Variants in NEFL observed in about 807,000 individuals in gnomAD.
The protein encoded by NEFL is neurofilament light polypeptide.
NEFL carries 36 observed loss-of-function variants against 51.6 expected under a neutral mutation model. The ratio of observed to expected loss-of-function variants is 0.70; its 90% CI spans 0.53 to 0.92. NEFL has a LOEUF of 0.92. NEFL is among the 40% of genes least tolerant of loss of function. The probability of loss-of-function intolerance (pLI) is 0.00; values close to 1 mark genes in which losing one functional copy is unlikely to be tolerated. For missense variants in NEFL, 671 were observed against 722.0 expected (o/e 0.93, Z 0.81); for synonymous variants, 332 against 302.5 (o/e 1.10, Z -1.01).
chr8:24,953,827 A>G, intron 2 of NEFL, 32 bp from the exon 3 acceptor site: 1 of 1,570,802 alleles, frequency 6.4e-7, no homozygotes, highest in East Asian at 2.3e-5. Context: ...GAGGTTAAAA[A>G]ACACCTGTGT....
Position 24,953,552 on chromosome 8 carries a change from G to A in NEFL, c.1413C>T (p.Pro471=), listed in dbSNP as rs753400700. 2 of 1,613,596 alleles carry A rather than the reference G, an allele frequency of 1.2e-6. No homozygotes were observed. Among genetic ancestry groups the A allele is most frequent in the African/African-American group, 1.3e-5 (1 of 74,904 alleles). The part of the protein sequence containing the change: ...AKAEEAKDEP[P]SEGEAEEEEK... ...CCTCCTCCTCGGCTTCTCCTTCAGA[G>A]GGGGGCTCATCCTTGGCTTCCTCAG... The change falls in exon 3 of 4, where the codon CCC becomes CCT. Residue 471 remains proline, a synonymous_variant. Coordinates refer to ENST00000610854, the MANE Select transcript of NEFL (RefSeq NM_006158.5).
intron 2 of NEFL, 96 bp from the exon 3 acceptor site, chr8:24,953,891 G>A: frequency 2.1e-6 from 3 of 1,453,138 alleles, no homozygotes; most frequent in Non-Finnish European, 1.8e-6. Flanking sequence ...AGCAGGGCTG[G>A]GATTTATCAA....
rs775722769 is a variant in NEFL at position 24,953,730 on chromosome 8, T to C, written c.1235A>G (p.Tyr412Cys). 3 of 1,613,942 alleles carry C rather than the reference T, an allele frequency of 1.9e-6. No homozygotes were observed. Among genetic ancestry groups the C allele is most frequent in the Non-Finnish European group, 2.5e-6 (3 of 1,179,876 alleles). Residue 412 changes from tyrosine to cysteine, a missense_variant, in exon 3 of 4, where the codon TAC becomes TGC. Tyr to Cys is a radical substitution (Grantham distance 194). Coordinates refer to ENST00000610854, the MANE Select transcript of NEFL (RefSeq NM_006158.5). Reference protein sequence around the residue: ...FTSVGSITSGYSQSSQVFGRS... With the variant: ...FTSVGSITSGCSQSSQVFGRS... The stretch of plus-strand genomic sequence containing the variant: ...GCCAAAGACCTGGGAGCTCTGGGAG[T>C]AGCCACTGGTTATGCTTCCCACGCT...
chr8:24,952,892 C>T lies in NEFL; in HGVS notation c.1550G>A (p.Gly517Glu). 1 of 1,608,612 alleles carries T rather than the reference C, an allele frequency of 6.2e-7. No individual in the cohort carries two copies. Among genetic ancestry groups the T allele is most frequent in the Non-Finnish European group, 8.5e-7 (1 of 1,175,154 alleles). ...CTCTTCAGCTTCTTTGGTTTCCTCT[C>T]CTTCTTCACCTTCACCTCCTTCTTC... ...EEEEGGEGEE[G>E]EETKEAEEEE... Residue 517 changes from glycine (G) to glutamate (E), a missense_variant, in exon 4 of 4, where the codon GGA (glycine) becomes GAA (glutamate). Transcript: ENST00000610854.
chr8:24,954,859 G>C (rs1210237384), intron 1 of NEFL, among the ~76,000 whole-genome samples: 1 of 149,954 alleles, frequency 6.7e-6, no homozygotes, highest in East Asian at 2.0e-4. Flanking sequence ...CTACTCCCCA[G>C]AAGATGGAGA....
Position 24,952,337 on chromosome 8 carries a change from T to G in NEFL, c.*473A>C. 6.4e-6 allele frequency: 1 copy of G among 155,514 alleles called. No homozygotes were observed. Among genetic ancestry groups the G allele is most frequent in the Admixed American group, 6.3e-5 (1 of 15,782 alleles). 9.6% of individuals were successfully genotyped at this position (155,514 alleles called of 1,614,324 possible). On this transcript the variant is annotated 3_prime_UTR_variant, in exon 4 of 4. Transcript: ENST00000610854. Reference sequence around the variant, plus strand: ...TATATACTTTATATTGGTGCCATCTTTAAGGTATTTTAATTAAGTAACAAC... The same window carrying G: ...TATATACTTTATATTGGTGCCATCTGTAAGGTATTTTAATTAAGTAACAAC...
rs1803033340 is a variant in NEFL, at chr8:24,955,493, G to C, written c.1023C>G (p.Asn341Lys). 1 of 1,609,792 alleles carries C rather than the reference G, an allele frequency of 6.2e-7. No individual in the cohort carries two copies. The highest frequency in any genetic ancestry group is 8.5e-7 in the Non-Finnish European group (1 of 1,179,010). Residue 341 changes from asparagine to lysine, a missense_variant, in exon 1 of 4, where the codon AAC becomes AAG. Asn to Lys is a moderately conservative substitution (Grantham distance 94, BLOSUM62 0). Coordinates refer to ENST00000610854, the MANE Select transcript of NEFL (RefSeq NM_006158.5). The surrounding 1 kb of genome is among the most constrained non-coding windows in gnomAD (Gnocchi z 4.0). ...KQLQELEDKQ[N>K]ADISAMQDTI... is the part of the protein sequence containing the mutation. ...GCACCTGCATAGCGCTGATGTCGGC[G>C]TTCTGCTTGTCCTCCAGCTCCTGCA...
In NEFL at chr8:24,952,825, A is replaced by C; in HGVS notation, c.1617T>G (p.Ala539=). ...AAATGGGGGTTCAATCTTTCTTCTT[A>C]GCTGCTTGTTCCTCCCCAGCACCTT... ...KVEGAGEEQA[A]KKKD is the part of the protein sequence containing the mutation. Residue 539 remains alanine (A), a synonymous_variant, in exon 4 of 4, where the codon GCT becomes GCG. Coordinates refer to ENST00000610854, the MANE Select transcript of NEFL (RefSeq NM_006158.5). 1 of 1,613,878 alleles carries C rather than the reference A, an allele frequency of 6.2e-7. No homozygotes were observed. The highest frequency in any genetic ancestry group is 8.5e-7 in the Non-Finnish European group (1 of 1,179,812).
chr8:24,956,580 G>A lies in NEFL; in HGVS notation c.-65C>T, dbSNP rs1296564122. On this transcript the variant is annotated 5_prime_UTR_variant, in exon 1 of 4. Coordinates refer to ENST00000610854, the MANE Select transcript of NEFL (RefSeq NM_006158.5). This position sits in a 1 kb window ranked among gnomAD's most constrained non-coding sequence, Gnocchi z 5.9. ...GAGCCCGGAGAGAGAGGACAGGGGA[G>A]AGAGGGAAGGGGGAGGATGGATGGC... 1 of 1,446,980 alleles carries A rather than the reference G, an allele frequency of 6.9e-7. No homozygotes were observed. The highest frequency in any genetic ancestry group is 9.5e-7 in the Non-Finnish European group (1 of 1,053,482). The allele number at this position is 1,446,980 out of a possible 1,614,324, so 89.6% of individuals were successfully genotyped here.
chr8:24,955,418 A>T lies in NEFL; in HGVS notation c.1044+54T>A. 7.8e-7 allele frequency: 1 copy of T among 1,274,018 alleles called. No homozygotes were observed. The highest frequency in any genetic ancestry group is 1.1e-6 in the Non-Finnish European group (1 of 921,208). The allele number at this position is 1,274,018 out of a possible 1,614,324, so 78.9% of individuals were successfully genotyped here. A position where few individuals can be genotyped will look rare whatever the true frequency, so the allele number is the denominator to read the frequency against. ...TGGTCTCCACTTTCTGGGCGCACCA[A>T]CTCCCCCCCTTGCTCGAGTCCCCCG... On this transcript the variant is annotated intron_variant, in intron 1 of 3. Transcript: ENST00000610854. The surrounding 1 kb of genome is among the most constrained non-coding windows in gnomAD (Gnocchi z 4.0).
Position 24,955,911 on chromosome 8 carries a change from G to A in NEFL, c.605C>T (p.Ala202Val), listed in dbSNP as rs1370197593. ...CTCGAGCTCGGCGCGAGCGAGCGCC[G>A]CCTCGTCGGCGCCTTTGCGCGCTTC... ...LMEARKGADE[A>V]ALARAELEKR... Residue 202 changes from alanine to valine, a missense_variant, in exon 1 of 4, where the codon GCG becomes GTG. Transcript: ENST00000610854. This position sits in a 1 kb window ranked among gnomAD's most constrained non-coding sequence, Gnocchi z 4.0. 1 of 1,604,862 alleles carries A rather than the reference G, an allele frequency of 6.2e-7. No individual in the cohort carries two copies. Among genetic ancestry groups the A allele is most frequent in the Non-Finnish European group, 8.5e-7 (1 of 1,179,720 alleles).
rs765313687 is a variant in NEFL at position 24,954,243 on chromosome 8, T to C, written c.1107A>G (p.Leu369=). The change falls in exon 2 of 4, where the codon CTA becomes CTG. Residue 369 remains leucine (L), a synonymous_variant. Coordinates refer to ENST00000610854, the MANE Select transcript of NEFL (RefSeq NM_006158.5). ...CGTTGAGGAGGTCTTGGTATTCTTT[T>C]AGGTATCGTGCCATTTCACTCTTTG... ...RTTKSEMARY[L]KEYQDLLNVK... 2 of 1,613,970 alleles carry C rather than the reference T, an allele frequency of 1.2e-6. No homozygotes were observed. The highest frequency in any genetic ancestry group is 1.1e-5 in the South Asian group (1 of 91,082).
rs779955465 is a variant in NEFL at position 24,955,935 on chromosome 8, T to C, written c.581A>G (p.Glu194Gly). The change falls in exon 1 of 4, where the codon GAA becomes GGA. Residue 194 changes from glutamate (E) to glycine (G), a missense_variant. Glu to Gly is a moderately conservative substitution (Grantham distance 98, BLOSUM62 -2). Coordinates refer to ENST00000610854, the MANE Select transcript of NEFL (RefSeq NM_006158.5). This position sits in a 1 kb window ranked among gnomAD's most constrained non-coding sequence, Gnocchi z 4.0. ...SREDAEGRLMEARKGADEAAL... is the reference protein window; with the variant it reads ...SREDAEGRLMGARKGADEAAL... ...CGCCTCGTCGGCGCCTTTGCGCGCT[T>C]CCATCAGCCGGCCCTCGGCGTCCTC... is the stretch of plus-strand genomic sequence containing the variant. 1.2e-5 allele frequency: 19 copies of C among 1,603,758 alleles called. No homozygotes were observed. The South Asian group carries it at 2.1e-4, about 18-fold the overall frequency.
chr8:24,953,348 A>G, intron 3 of NEFL, 128 bp downstream of exon 3: 1 of 1,501,682 alleles, frequency 6.7e-7, no homozygotes. Flanking sequence ...AAACAAACAG[A>G]AAATTTATTT....
In NEFL at chr8:24,952,689, T is replaced by TATATACATA; in HGVS notation, c.*120_*121insTATGTATAT. ...ATGTCCAACCTAAGTCATCTCAGAA[T>TATATACATA]TATACATATATTGACTTTTTAATTC... On this transcript the variant is annotated 3_prime_UTR_variant, in exon 4 of 4. Coordinates refer to ENST00000610854, the MANE Select transcript of NEFL (RefSeq NM_006158.5). 3 of 1,460,648 alleles carry TATATACATA rather than the reference T, an allele frequency of 2.1e-6. No homozygotes were observed. Among genetic ancestry groups the TATATACATA allele is most frequent in the Non-Finnish European group, 2.8e-6 (3 of 1,071,808 alleles). 90.5% of individuals were successfully genotyped at this position (1,460,648 alleles called of 1,614,324 possible).
chr8:24,953,428 C>G (rs1347226896), intron 3 of NEFL, 48 bp downstream of exon 3: 2 of 1,544,426 alleles, frequency 1.3e-6, no homozygotes, highest in African/African-American at 2.7e-5. Flanking sequence ...TAACAAATCT[C>G]CACACCCAGT....
rs1300522434 is a variant in NEFL at position 24,951,989 on chromosome 8, A to G, written c.*821T>C. 1 of 152,292 alleles carries G rather than the reference A, an allele frequency of 6.6e-6. No homozygotes were observed. Among genetic ancestry groups the G allele is most frequent in the Admixed American group, 6.5e-5 (1 of 15,278 alleles). 9.4% of individuals were successfully genotyped at this position (152,292 alleles called of 1,614,324 possible). Reference sequence around the variant, plus strand: ...GAAATGACCTATTTATCATGGTTCCATAGTGTAATGGTTAGCACTCTAGAC... The same window carrying G: ...GAAATGACCTATTTATCATGGTTCCGTAGTGTAATGGTTAGCACTCTAGAC... On this transcript the variant is annotated 3_prime_UTR_variant, in exon 4 of 4. Transcript: ENST00000610854.
chr8:24,953,444 C>T (rs1200257932), intron 3 of NEFL, 32 bp downstream of exon 3: 1 of 1,547,268 alleles, frequency 6.5e-7, no homozygotes, highest in East Asian at 2.4e-5. Flanking sequence ...CCAGTTTACA[C>T]TTGAAGTTGC....
chr8:24,956,195 G>C lies in NEFL; in HGVS notation c.321C>G (p.Arg107=), dbSNP rs1198042093. ...TGTTCTGCTGCTCCAGCTCGTGCACGCGCTCGATGAAGCTGGCGAAGCGGT... is the reference window on the plus strand; with the variant it reads ...TGTTCTGCTGCTCCAGCTCGTGCACCCGCTCGATGAAGCTGGCGAAGCGGT... ...LNDRFASFIE[R]VHELEQQNKV... Residue 107 remains arginine (R), a synonymous_variant, in exon 1 of 4, where the codon CGC becomes CGG. Transcript: ENST00000610854. This position sits in a 1 kb window ranked among gnomAD's most constrained non-coding sequence, Gnocchi z 5.9. 13 of 1,610,476 alleles carry C rather than the reference G, an allele frequency of 8.1e-6. No individual in the cohort carries two copies. Among genetic ancestry groups the C allele is most frequent in the East Asian group, 2.2e-5 (1 of 44,744 alleles).
Sources: allele counts gnomAD v4.1 joint callset (sites outside exome capture counted in the v4.1 genomes callset), GRCh38; gene constraint gnomAD v4.1.1; non-coding constraint Gnocchi (gnomAD v3.1); transcripts MANE v1.5; gene names NCBI Gene and HGNC (gene_info 2026-07-23, HGNC 2026-07-21).